ADAMTS17: variants seen among roughly 807,000 people sequenced by gnomAD.
ADAMTS17 encodes the protein A disintegrin and metalloproteinase with thrombospondin motifs 17.
A neutral mutation model predicts 141.5 loss-of-function variants in ADAMTS17; 113 were observed. The ratio of observed to expected loss-of-function variants is 0.80; its 90% CI spans 0.69 to 0.93. The LOEUF (loss-of-function observed/expected upper bound fraction) is 0.93, where lower values mean the gene tolerates loss of function less well. Ranked by LOEUF, ADAMTS17 falls within the 40% of genes least tolerant of loss-of-function variation. The pLI, the probability that ADAMTS17 is intolerant of heterozygous loss-of-function variation, is 0.00. For missense variants in ADAMTS17, 1,659 were observed against 1,517.9 expected (o/e 1.09, Z -1.54); for synonymous variants, 768 against 630.6 (o/e 1.22, Z -3.27).
intron 15 of ADAMTS17, among the ~76,000 whole-genome samples, chr15:100,085,343 T>C (rs1176782003): frequency 7.0e-6 from 1 of 143,882 alleles, no homozygotes; most frequent in African/African-American, 2.8e-5. Flanking sequence ...TGGGACTATG[T>C]GAAAAGACCA....
chr15:100,016,112 G>A (rs2061284020), intron 18 of ADAMTS17, among the ~76,000 whole-genome samples: 1 of 152,068 alleles, frequency 6.6e-6, no homozygotes, highest in Non-Finnish European at 1.5e-5. Flanking sequence ...ACCTGTCTTC[G>A]AGCTCTGAGA....
intron 15 of ADAMTS17, among the ~76,000 whole-genome samples, chr15:100,059,449 AGG>A (rs1408128886): frequency 3.4e-5 from 5 of 145,410 alleles, no homozygotes; most frequent in African/African-American, 1.4e-4. Context: ...CAGAGCCAGG[AGG>A]CATAGGGGTT....
rs1428453624 is a variant in ADAMTS17 at position 100,054,911 on chromosome 15, TTG to T, written c.2138-859_2138-858del. On this transcript the variant is annotated intron_variant, in intron 15 of 21. Transcript: ENST00000268070. The stretch of plus-strand genomic sequence containing the variant: ...TCTGAGTCGCTCACCAGGATTTTTC[TTG>T]TGTCTTCCCACTTCGGGGTGAAGAT... Among the ~76,000 whole-genome samples, 3 of 152,234 alleles carry T rather than the reference TTG, an allele frequency of 2.0e-5. No individual in the cohort carries two copies. In the East Asian group the frequency reaches 5.8e-4, roughly 29 times the overall value.
chr15:100,250,803 T>A (rs2043130160), intron 7 of ADAMTS17, among the ~76,000 whole-genome samples: 1 of 152,176 alleles, frequency 6.6e-6, no homozygotes, highest in African/African-American at 2.4e-5. Flanking sequence ...TTATGTCAGA[T>A]GTTACCACTG....
intron 12 of ADAMTS17, chr15:100,126,030 G>A (rs1211216094): frequency 6.6e-6 from 1 of 152,292 alleles, no homozygotes; most frequent in Non-Finnish European, 1.5e-5. Flanking sequence ...CAGGCCTGGT[G>A]ATTTAAGGAG....
chr15:100,040,536 A>G (rs2031152939), intron 18 of ADAMTS17, among the ~76,000 whole-genome samples: 1 of 152,204 alleles, frequency 6.6e-6, no homozygotes, highest in Non-Finnish European at 1.5e-5. Flanking sequence ...AAAAATCAGG[A>G]AGAGAGAAGG....
intron 10 of ADAMTS17, among the ~76,000 whole-genome samples, chr15:100,137,901 T>G (rs991147655): frequency 2.0e-5 from 3 of 150,554 alleles, no homozygotes; most frequent in Non-Finnish European, 4.4e-5. Context: ...ACACCCACCC[T>G]TTCACTGCCA....
At chr15:100,086,534 A>G (rs542981907) in intron 15 of ADAMTS17, among the ~76,000 whole-genome samples, 3 of 152,328 alleles carry the variant, frequency 2.0e-5, no homozygotes, top group South Asian at 2.1e-4. Context: ...CCAAATCAAC[A>G]GAATATACAT....
At chr15:100,181,081 C>T (rs1486263188) in intron 8 of ADAMTS17, among the ~76,000 whole-genome samples, 2 of 152,334 alleles carry the variant, frequency 1.3e-5, no homozygotes, top group Non-Finnish European at 2.9e-5. Flanking sequence ...GGAGCCTCTT[C>T]CTGTGGCCAC....
intron 14 of ADAMTS17, among the ~76,000 whole-genome samples, chr15:100,107,267 G>T (rs1383552303): frequency 6.6e-6 from 1 of 152,168 alleles, no homozygotes; most frequent in Non-Finnish European, 1.5e-5. Flanking sequence ...AGCAAGCAAA[G>T]AGCATAAGCA....
At chr15:100,292,757 C>T (rs73484186) in intron 3 of ADAMTS17, among the ~76,000 whole-genome samples, 2,738 of 152,328 alleles carry the variant, frequency 0.018, 96 homozygotes, top group African/African-American at 0.062. Flanking sequence ...CCAGCCCAGG[C>T]ATCCTTATCA....
intron 14 of ADAMTS17, among the ~76,000 whole-genome samples, chr15:100,099,474 T>C (rs531348769): frequency 6.6e-6 from 1 of 151,906 alleles, no homozygotes; most frequent in African/African-American, 2.4e-5. Context: ...ATTGTATTTA[T>C]GAGGCTTGGT....
chr15:100,192,399 T>C (rs1224070170), intron 8 of ADAMTS17, among the ~76,000 whole-genome samples: 1 of 152,252 alleles, frequency 6.6e-6, no homozygotes, highest in Non-Finnish European at 1.5e-5. Flanking sequence ...CCCCCTTTTC[T>C]GTTCCTCCAG....
chr15:100,202,147 A>C (rs1332053007), intron 7 of ADAMTS17, among the ~76,000 whole-genome samples: 3 of 152,196 alleles, frequency 2.0e-5, no homozygotes, highest in African/African-American at 4.8e-5. Context: ...GCAGACCTCA[A>C]ATGCCACACA....
intron 7 of ADAMTS17, among the ~76,000 whole-genome samples, chr15:100,204,004 C>G (rs892428179): frequency 1.3e-5 from 2 of 152,190 alleles, no homozygotes; most frequent in African/African-American, 4.8e-5. Context: ...GACCCATCTT[C>G]CCATCCATGC....
intron 7 of ADAMTS17, among the ~76,000 whole-genome samples, chr15:100,200,326 T>C (rs1049844036): frequency 6.6e-6 from 1 of 151,978 alleles, no homozygotes; most frequent in Admixed American, 6.5e-5. Context: ...ACGCATAGGA[T>C]GACATGGAGC....
At chr15:100,149,097 C>T (rs779275377) in intron 10 of ADAMTS17, among the ~76,000 whole-genome samples, 5 of 152,226 alleles carry the variant, frequency 3.3e-5, no homozygotes, top group East Asian at 1.9e-4. Flanking sequence ...AGCATATGTA[C>T]GCTCTCCTGC....
intron 3 of ADAMTS17, among the ~76,000 whole-genome samples, chr15:100,286,896 T>C (rs1297563403): frequency 6.6e-6 from 1 of 152,096 alleles, no homozygotes. Flanking sequence ...TACAAAATGA[T>C]ACAGGAGCTA....
chr15:100,305,634 A>T (rs2045197979), intron 3 of ADAMTS17, among the ~76,000 whole-genome samples: 1 of 152,180 alleles, frequency 6.6e-6, no homozygotes, highest in South Asian at 2.1e-4. Context: ...AGAGACTGAG[A>T]CTGTACATTC....
Sources: allele counts gnomAD v4.1 joint callset (sites outside exome capture counted in the v4.1 genomes callset), GRCh38; gene constraint gnomAD v4.1.1; transcripts MANE v1.5; gene names NCBI Gene and HGNC (gene_info 2026-07-23, HGNC 2026-07-21).